The following ELOVL7 variants were observed in gnomAD, a reference collection of about 807,000 sequenced individuals.
ELOVL7 encodes very long chain fatty acid elongase 7.
In ELOVL7, 27 loss-of-function variants were observed where a neutral mutation model predicts 35.7. The observed-to-expected ratio is 0.76, with a 90% CI of 0.56 to 1.04. The LOEUF is 1.04. Among genes scored for constraint, ELOVL7 ranks in the 50% least tolerant of loss-of-function variants. The pLI, the probability that ELOVL7 is intolerant of heterozygous loss-of-function variation, is 0.00. For missense variants in ELOVL7, 327 were observed against 340.8 expected (o/e 0.96, Z 0.32); for synonymous variants, 113 against 114.6 (o/e 0.99, Z 0.09).
chr5:60,814,110 GC>G (rs1745389427), intron 1 of ELOVL7, among the ~76,000 whole-genome samples: 1 of 152,124 alleles, frequency 6.6e-6, no homozygotes, highest in South Asian at 2.1e-4. Flanking sequence ...TTTCTCAGTT[GC>G]CCAAATCAGC....
intron 3 of ELOVL7, among the ~76,000 whole-genome samples, chr5:60,781,465 A>C (rs1743250019): frequency 6.6e-6 from 1 of 152,042 alleles, no homozygotes; most frequent in Non-Finnish European, 1.5e-5. Context: ...AGGGGGAAAA[A>C]TCAAATGACA....
chr5:60,782,151 C>G (rs1242370638), intron 3 of ELOVL7, among the ~76,000 whole-genome samples: 2 of 152,046 alleles, frequency 1.3e-5, no homozygotes, highest in African/African-American at 4.8e-5. Flanking sequence ...GAAAATAATT[C>G]TCAACATCAC....
At chr5:60,782,817 A>G (rs889440093) in intron 3 of ELOVL7, among the ~76,000 whole-genome samples, 1 of 152,180 alleles carries the variant, frequency 6.6e-6, no homozygotes, top group African/African-American at 2.4e-5. Context: ...GGAGATGTTG[A>G]TCAAAGGGTA....
chr5:60,776,357 A>G (rs1283002701), intron 3 of ELOVL7, among the ~76,000 whole-genome samples: 1 of 152,206 alleles, frequency 6.6e-6, no homozygotes, highest in Non-Finnish European at 1.5e-5. Flanking sequence ...ACTATTATTC[A>G]ACCCAGCAAT....
intron 1 of ELOVL7, among the ~76,000 whole-genome samples, chr5:60,830,673 A>G (rs936410236): frequency 1.3e-5 from 2 of 151,674 alleles, no homozygotes; most frequent in South Asian, 4.2e-4. Flanking sequence ...AGTAAAATAC[A>G]AATAACTTAA....
chr5:60,759,224 G>A (rs905608094), intron 7 of ELOVL7, among the ~76,000 whole-genome samples: 9 of 152,162 alleles, frequency 5.9e-5, no homozygotes, highest in African/African-American at 2.2e-4. Flanking sequence ...CCTGACAAGA[G>A]AAAGCCATAT....
chr5:60,834,001 C>T (rs1746636452), intron 1 of ELOVL7, among the ~76,000 whole-genome samples: 1 of 152,118 alleles, frequency 6.6e-6, no homozygotes, highest in Non-Finnish European at 1.5e-5. Flanking sequence ...ACACCTTGAC[C>T]AATTCAACTT....
intron 1 of ELOVL7, among the ~76,000 whole-genome samples, chr5:60,807,201 A>G (rs1744981694): frequency 6.6e-6 from 1 of 152,052 alleles, no homozygotes; most frequent in South Asian, 2.1e-4. Flanking sequence ...GTACAACAGG[A>G]TTGATTCTGA....
In ELOVL7 at chr5:60,752,915, C is replaced by T. The variant is rs1304172995; in HGVS notation, c.*1709G>A. 1 of 151,722 alleles carries T rather than the reference C, an allele frequency of 6.6e-6. No homozygotes were observed. Among genetic ancestry groups the T allele is most frequent in the African/African-American group, 2.4e-5 (1 of 41,250 alleles). The allele number at this position is 151,722 out of a possible 1,614,324, so 9.4% of individuals were successfully genotyped here. A position where few individuals can be genotyped will look rare whatever the true frequency, so the allele number is the denominator to read the frequency against. Reference sequence around the variant, plus strand: ...CCGAGATTGTGCCATTGCACTCTAGCCTGGGCAACAAGAGTAAAACTCTGC... The same window carrying T: ...CCGAGATTGTGCCATTGCACTCTAGTCTGGGCAACAAGAGTAAAACTCTGC... On this transcript the variant is annotated 3_prime_UTR_variant, in exon 9 of 9. Transcript: ENST00000508821.
At chr5:60,774,764 CTTTT>C (rs1441731287) in intron 3 of ELOVL7, among the ~76,000 whole-genome samples, 2 of 136,712 alleles carry the variant, frequency 1.5e-5, no homozygotes, top group Admixed American at 7.4e-5. Context: ...ATAAAACTCT[CTTTT>C]TTTTTTTTTT....
intron 2 of ELOVL7, among the ~76,000 whole-genome samples, chr5:60,798,734 A>G (rs911872517): frequency 6.6e-6 from 1 of 152,168 alleles, no homozygotes; most frequent in Non-Finnish European, 1.5e-5. Context: ...CTGAAAAGAG[A>G]GAGAGACTAC....
At chr5:60,834,437 G>A (rs536735227) in intron 1 of ELOVL7, among the ~76,000 whole-genome samples, 1 of 152,284 alleles carries the variant, frequency 6.6e-6, no homozygotes, top group African/African-American at 2.4e-5. Flanking sequence ...GAGCCACTGC[G>A]CCCGACCGGT....
At chr5:60,792,234 G>C (rs1014962342) in intron 2 of ELOVL7, among the ~76,000 whole-genome samples, 10 of 152,102 alleles carry the variant, frequency 6.6e-5, no homozygotes, top group African/African-American at 2.4e-4. Context: ...TCCACTGCTT[G>C]TAGATAATCT....
At chr5:60,757,483 G>T (rs1022187545) in intron 8 of ELOVL7, 26 bp downstream of exon 8, 2 of 1,607,128 alleles carry the variant, frequency 1.2e-6, no homozygotes, top group Non-Finnish European at 8.5e-7. Flanking sequence ...CTTCATATAT[G>T]GTTTTAAAGA....
At chr5:60,787,312 A>G (rs370858609) in intron 3 of ELOVL7, 22 bp downstream of exon 3, 43 of 1,567,822 alleles carry the variant, frequency 2.7e-5, no homozygotes, top group Non-Finnish European at 3.6e-5. Flanking sequence ...ATGAACCTCA[A>G]TTAGGAAATG....
At chr5:60,796,401 T>C (rs1431014717) in intron 2 of ELOVL7, among the ~76,000 whole-genome samples, 1 of 152,200 alleles carries the variant, frequency 6.6e-6, no homozygotes, top group Non-Finnish European at 1.5e-5. Context: ...GGCAGACAAT[T>C]CTTAGTTGTG....
At chr5:60,833,103 C>G (rs914438624) in intron 1 of ELOVL7, among the ~76,000 whole-genome samples, 1 of 152,074 alleles carries the variant, frequency 6.6e-6, no homozygotes, top group Admixed American at 6.6e-5. Flanking sequence ...GGGGGGCAAT[C>G]CAAGAGCTTC....
intron 1 of ELOVL7, among the ~76,000 whole-genome samples, chr5:60,801,055 G>C (rs1744580920): frequency 6.6e-6 from 1 of 152,150 alleles, no homozygotes; most frequent in Admixed American, 6.5e-5. Context: ...AGCCTCCCGA[G>C]TAGCTGGGAC....
intron 1 of ELOVL7, among the ~76,000 whole-genome samples, chr5:60,835,524 A>G (rs1445835878): frequency 2.0e-5 from 3 of 151,822 alleles, no homozygotes; most frequent in Non-Finnish European, 4.4e-5. Context: ...GGATCTTCCC[A>G]CTTCAGCCTC....
Sources: allele counts gnomAD v4.1 joint callset (sites outside exome capture counted in the v4.1 genomes callset), GRCh38; gene constraint gnomAD v4.1.1; transcripts MANE v1.5; gene names NCBI Gene and HGNC (gene_info 2026-07-23, HGNC 2026-07-21).